The following CNTN4 variants were observed in gnomAD, a reference collection of about 807,000 sequenced individuals.
The protein encoded by CNTN4 is contactin 4.
In CNTN4, 77 loss-of-function variants were observed where a neutral mutation model predicts 122.5. The ratio of observed to expected loss-of-function variants is 0.63; its 90% CI spans 0.52 to 0.76. The LOEUF (loss-of-function observed/expected upper bound fraction) is 0.76. Ranked by LOEUF, CNTN4 falls within the 30% of genes least tolerant of loss-of-function variation. The pLI is 0.00. For synonymous variants in CNTN4, 512 were observed against 447.0 expected (o/e 1.15, Z -1.83); for missense variants, 1,256 against 1,259.1 (o/e 1.00, Z 0.04).
At chr3:2,963,132 T>C (rs2094878575) in intron 13 of CNTN4, among the ~76,000 whole-genome samples, 1 of 152,142 alleles carries the variant, frequency 6.6e-6, no homozygotes, top group African/African-American at 2.4e-5. Context: ...TAAAACCTAG[T>C]AATTAATTTT....
chr3:2,807,143 C>T (rs2092486909), intron 6 of CNTN4, among the ~76,000 whole-genome samples: 1 of 152,160 alleles, frequency 6.6e-6, no homozygotes, highest in Non-Finnish European at 1.5e-5. Flanking sequence ...ACTGTAGGTA[C>T]TGAATGAATC....
intron 4 of CNTN4, among the ~76,000 whole-genome samples, chr3:2,675,612 A>G (rs888368554): frequency 6.6e-6 from 1 of 152,230 alleles, no homozygotes; most frequent in Non-Finnish European, 1.5e-5. Flanking sequence ...CTGTGTGTCC[A>G]GCTCTTAGAA....
At chr3:2,362,430 C>T (rs2045194304) in intron 3 of CNTN4, 1 of 387,270 alleles carries the variant, frequency 2.6e-6, no homozygotes, top group Non-Finnish European at 5.0e-6. Context: ...TCTGTGGGAT[C>T]CTGGACCATC....
At chr3:2,886,954 G>A in intron 9 of CNTN4, 86 bp from the exon 10 acceptor site, 1 of 1,182,748 alleles carries the variant, frequency 8.5e-7, no homozygotes, top group South Asian at 1.3e-5. Context: ...CCTTATATGT[G>A]TAGAACCAAG....
intron 4 of CNTN4, among the ~76,000 whole-genome samples, chr3:2,727,546 A>G (rs7638622): frequency 0.01 from 1,591 of 152,218 alleles, 17 homozygotes; most frequent in African/African-American, 0.036. Context: ...AGTAGGATAC[A>G]TTGATACAGC....
intron 2 of CNTN4, among the ~76,000 whole-genome samples, chr3:2,214,015 G>A (rs2038729856): frequency 6.6e-6 from 1 of 152,144 alleles, no homozygotes; most frequent in African/African-American, 2.4e-5. Flanking sequence ...ATCTAGTGGA[G>A]TATTATGTTT....
At chr3:2,460,446 A>T (rs1294384465) in intron 3 of CNTN4, among the ~76,000 whole-genome samples, 2 of 152,080 alleles carry the variant, frequency 1.3e-5, no homozygotes, top group South Asian at 4.2e-4. Context: ...CACCATCAGC[A>T]CTGTGAGGCC....
intron 2 of CNTN4, among the ~76,000 whole-genome samples, chr3:2,195,269 C>G (rs1467261432): frequency 6.6e-6 from 1 of 152,212 alleles, no homozygotes. Context: ...TTTTTCATGT[C>G]TGAATAGTAT....
intron 12 of CNTN4, 39 bp from the exon 13 acceptor site, chr3:2,925,590 C>G: frequency 6.3e-7 from 1 of 1,592,454 alleles, no homozygotes; most frequent in Non-Finnish European, 8.6e-7. Flanking sequence ...TCATGGAAGG[C>G]TGTCTTGCAT....
chr3:2,154,748 C>CAG (rs1368233801), intron 2 of CNTN4, among the ~76,000 whole-genome samples: 1 of 152,198 alleles, frequency 6.6e-6, no homozygotes, highest in African/African-American at 2.4e-5. Context: ...ATTCCACGTT[C>CAG]AGAGGTTCCC....
At chr3:2,534,137 T>G (rs1478999273) in intron 3 of CNTN4, among the ~76,000 whole-genome samples, 6 of 152,220 alleles carry the variant, frequency 3.9e-5, no homozygotes, top group Admixed American at 1.3e-4. Context: ...ATTTTGGCTT[T>G]TGTTGCCATT....
intron 2 of CNTN4, among the ~76,000 whole-genome samples, chr3:2,189,851 C>T (rs9968120): frequency 0.025 from 3,776 of 152,232 alleles, 150 homozygotes; most frequent in African/African-American, 0.087. Flanking sequence ...TAGCCTTCAG[C>T]CAAGGACGGA....
intron 6 of CNTN4, among the ~76,000 whole-genome samples, chr3:2,765,261 C>T (rs893720599): frequency 6.6e-6 from 1 of 151,716 alleles, no homozygotes; most frequent in Non-Finnish European, 1.5e-5. Flanking sequence ...TCGTACTTGT[C>T]GTCACTGAGT....
chr3:2,323,460 G>A (rs74614309), intron 2 of CNTN4, among the ~76,000 whole-genome samples: 69 of 152,276 alleles, frequency 4.5e-4, no homozygotes, highest in African/African-American at 1.4e-3. Context: ...CTTTTGTACA[G>A]ACTTTTACAG....
intron 2 of CNTN4, among the ~76,000 whole-genome samples, chr3:2,261,308 C>A (rs924177841): frequency 4.6e-5 from 7 of 152,056 alleles, no homozygotes; most frequent in Non-Finnish European, 1.0e-4. Context: ...CAATGTCATA[C>A]ACGTTGGTTT....
chr3:2,541,449 A>C (rs1314774451), intron 3 of CNTN4, among the ~76,000 whole-genome samples: 1 of 152,156 alleles, frequency 6.6e-6, no homozygotes, highest in Non-Finnish European at 1.5e-5. Flanking sequence ...CATATTAAGG[A>C]ATCATATAGG....
intron 13 of CNTN4, among the ~76,000 whole-genome samples, chr3:2,943,626 A>T (rs866100849): frequency 2.2e-4 from 13 of 58,534 alleles, no homozygotes; most frequent in Non-Finnish European, 2.9e-4. Flanking sequence ...ATATATATAT[A>T]TATATTTTTT....
At chr3:2,316,352 C>G (rs898734500) in intron 2 of CNTN4, among the ~76,000 whole-genome samples, 1 of 151,984 alleles carries the variant, frequency 6.6e-6, no homozygotes, top group African/African-American at 2.4e-5. Context: ...CCCCACTGAT[C>G]TATTGTACTT....
chr3:2,720,107 C>T (rs1275771762), intron 4 of CNTN4, among the ~76,000 whole-genome samples: 1 of 152,076 alleles, frequency 6.6e-6, no homozygotes, highest in Non-Finnish European at 1.5e-5. Context: ...GGGTAAGTAT[C>T]ATGGTGTACA....
Sources: gnomAD v4.1 joint callset for allele counts (sites outside exome capture counted in the v4.1 genomes callset) on GRCh38, gnomAD v4.1.1 for gene constraint, MANE v1.5 for transcripts, NCBI Gene and HGNC (gene_info 2026-07-23, HGNC 2026-07-21) for gene names.